The following FPR1 variants were observed in gnomAD, a reference collection of about 807,000 sequenced individuals.
FPR1 encodes the protein N-formyl peptide receptor 1.
For missense variants in FPR1, 407 were observed against 453.0 expected, an observed-to-expected ratio of 0.90 and a Z score of 0.92; for synonymous variants, 193 against 176.7, an observed-to-expected ratio of 1.09 and a Z score of -0.73.
In FPR1 at chr19:51,745,842, G is replaced by C; in HGVS notation, c.*100C>G. On this transcript the variant is annotated 3_prime_UTR_variant, in exon 2 of 2. Coordinates refer to ENST00000304748, the MANE Select transcript of FPR1 (RefSeq NM_002029.4). ...GCTTTTTTTTTTTTTTCTGATGAGTGGGTAATCCTAAAATAAGCAGGAAAT... is the reference window on the plus strand; with the variant it reads ...GCTTTTTTTTTTTTTTCTGATGAGTCGGTAATCCTAAAATAAGCAGGAAAT... 2 of 951,242 alleles carry C rather than the reference G, an allele frequency of 2.1e-6. No homozygotes were observed. Among genetic ancestry groups the C allele is most frequent in the Non-Finnish European group, 3.2e-6 (2 of 620,148 alleles). The allele number at this position is 951,242 out of a possible 1,614,324, so 58.9% of individuals were successfully genotyped here.
At chr19:51,747,424 G>T (rs1363393501) in intron 1 of FPR1, among the ~76,000 whole-genome samples, 1 of 151,998 alleles carries the variant, frequency 6.6e-6, no homozygotes, top group African/African-American at 2.4e-5. Context: ...TGCCATGTTG[G>T]CCAGGCTGGT....
rs2083746154 is a variant in FPR1 at position 51,746,468 on chromosome 19, C to A, written c.527G>T (p.Cys176Phe). ...GGTCCAGGGCGAAAAGTTAAAAGTG[C>A]AGGCTACTGTCCCCGTTTTACCAGG... is the stretch of plus-strand genomic sequence containing the variant. ...TVPGKTGTVACTFNFSPWTND... is the reference protein window; with the variant it reads ...TVPGKTGTVAFTFNFSPWTND... The change falls in exon 2 of 2, where the codon TGC (cysteine) becomes TTC (phenylalanine). Residue 176 changes from cysteine to phenylalanine, a missense_variant. By Grantham distance (205) the Cys-to-Phe change is radical. Transcript: ENST00000304748. This position sits in a 1 kb window ranked among gnomAD's most constrained non-coding sequence, Gnocchi z 4.3. 1.2e-6 allele frequency: 2 copies of A among 1,614,030 alleles called. No individual in the cohort carries two copies. Among genetic ancestry groups the A allele is most frequent in the Non-Finnish European group, 1.7e-6 (2 of 1,180,034 alleles).
chr19:51,748,620 C>T (rs1045559408), intron 1 of FPR1, among the ~76,000 whole-genome samples: 1 of 152,074 alleles, frequency 6.6e-6, no homozygotes, highest in Non-Finnish European at 1.5e-5. Flanking sequence ...GCCACCATGC[C>T]CAGCTAATTT....
intron 1 of FPR1, among the ~76,000 whole-genome samples, chr19:51,748,731 G>A (rs1419361193): frequency 1.3e-5 from 2 of 152,192 alleles, no homozygotes; most frequent in African/African-American, 2.4e-5. Context: ...AAAGTGCTGA[G>A]ATTATAGGCG....
At position 51,746,293 on chromosome 19, in the gene FPR1, A is replaced by C; in HGVS notation, c.702T>G (p.Ile234Met). The change falls in exon 2 of 2, where the codon ATT becomes ATG. Residue 234 changes from isoleucine to methionine, a missense_variant. Physicochemically the swap from Ile to Met is conservative, Grantham distance 10. Transcript: ENST00000304748. This position sits in a 1 kb window ranked among gnomAD's most constrained non-coding sequence, Gnocchi z 4.3. ...GGACCCGTAAGGGACGACTGGACTT[A>C]ATCAAGCCTTGCTTGTGGATCTTGG... ...IATKIHKQGL[I>M]KSSRPLRVLS... The C allele has an allele frequency of 6.2e-7, 1 of 1,614,184 alleles. No homozygotes were observed. Among genetic ancestry groups the C allele is most frequent in the Non-Finnish European group, 8.5e-7 (1 of 1,180,046 alleles).
chr19:51,747,048 C>G, intron 1 of FPR1, 43 bp from the exon 2 acceptor site: 1 of 1,377,530 alleles, frequency 7.3e-7, no homozygotes. Context: ...TATGAACCTC[C>G]GTACCATTTC....
At chr19:51,751,475 C>G (rs2083780528) in intron 1 of FPR1, among the ~76,000 whole-genome samples, 1 of 152,114 alleles carries the variant, frequency 6.6e-6, no homozygotes, top group Non-Finnish European at 1.5e-5. Flanking sequence ...CTCCACCTCC[C>G]AGATTCAAGC....
In FPR1 at chr19:51,746,103, G is replaced by A; in HGVS notation, c.892C>T (p.Pro298Ser). The change falls in exon 2 of 2, where the codon CCC (proline) becomes TCC (serine). Residue 298 changes from proline (P) to serine (S), a missense_variant. Transcript: ENST00000304748. The surrounding 1 kb of genome is among the most constrained non-coding windows in gnomAD (Gnocchi z 4.3). ...TGGCCCATGAAGACATAGAGCATGG[G>A]GTTGAGGCAGCTGTTGAAGAAGGCC... ...ALAFFNSCLN[P>S]MLYVFMGQDF... The A allele has an allele frequency of 1.2e-6, 2 of 1,614,176 alleles. No homozygotes were observed. The highest frequency in any genetic ancestry group is 1.3e-5 in the African/African-American group (1 of 75,040).
At chr19:51,749,914 A>G (rs1262051633) in intron 1 of FPR1, among the ~76,000 whole-genome samples, 2 of 151,978 alleles carry the variant, frequency 1.3e-5, no homozygotes, top group Non-Finnish European at 2.9e-5. Context: ...CAGGCAGTCC[A>G]CCTGCCTCAG....
chr19:51,745,586 G>A, downstream of FPR1: 1 of 213,082 alleles, frequency 4.7e-6, no homozygotes, highest in Non-Finnish European at 9.5e-6. Context: ...CAGAATGGAA[G>A]TGGACACTAC....
At position 51,746,978 on chromosome 19, in the gene FPR1, G is replaced by A. The variant is rs757666229; in HGVS notation, c.17C>T (p.Ser6Phe). Residue 6 changes from serine (S) to phenylalanine (F), a missense_variant, in exon 2 of 2, where the codon TCT becomes TTT. By Grantham distance (155) the Ser-to-Phe change is radical. Transcript: ENST00000304748. This position sits in a 1 kb window ranked among gnomAD's most constrained non-coding sequence, Gnocchi z 4.3. METNS[S>F]LPTNISGGTP... ...CCCTCCAGAGATGTTCGTGGGGAGA[G>A]AGGAATTTGTCTCCATCTTGTCTGC... is the stretch of plus-strand genomic sequence containing the variant. 181 of 1,611,474 alleles carry A rather than the reference G, an allele frequency of 1.1e-4. No individual in the cohort carries two copies. The highest frequency in any genetic ancestry group is 2.3e-5 in the Non-Finnish European group (27 of 1,178,110).
intron 1 of FPR1, among the ~76,000 whole-genome samples, chr19:51,748,555 C>T (rs925386570): frequency 1.3e-5 from 2 of 152,136 alleles, no homozygotes; most frequent in African/African-American, 2.4e-5. Context: ...CCGCCTCCCG[C>T]GTTTAAGTGA....
At chr19:51,747,844 CT>C (rs1323482615) in intron 1 of FPR1, among the ~76,000 whole-genome samples, 1 of 152,158 alleles carries the variant, frequency 6.6e-6, no homozygotes, top group Non-Finnish European at 1.5e-5. Flanking sequence ...AAACATTACT[CT>C]AAACAAAAGA....
Position 51,746,277 on chromosome 19 carries a change from A to G in FPR1, c.718T>C (p.Leu240=), listed in dbSNP as rs1449027962. ...GCTGCGACAAAGGAGAGGACCCGTA[A>G]GGGACGACTGGACTTAATCAAGCCT... is the stretch of plus-strand genomic sequence containing the variant. The part of the protein sequence containing the change: ...KQGLIKSSRP[L]RVLSFVAAAF... Residue 240 remains leucine (L), a synonymous_variant, in exon 2 of 2, where the codon TTA becomes CTA. Transcript: ENST00000304748. This position sits in a 1 kb window ranked among gnomAD's most constrained non-coding sequence, Gnocchi z 4.3. 6.2e-7 allele frequency: 1 copy of G among 1,614,058 alleles called. No individual in the cohort carries two copies. Among genetic ancestry groups the G allele is most frequent in the East Asian group, 2.2e-5 (1 of 44,886 alleles).
At chr19:51,751,496 C>T (rs888021122) in intron 1 of FPR1, among the ~76,000 whole-genome samples, 2 of 152,144 alleles carry the variant, frequency 1.3e-5, no homozygotes, top group Admixed American at 6.6e-5. Flanking sequence ...AATTCTCCTG[C>T]CTCAGCCTCC....
intron 1 of FPR1, among the ~76,000 whole-genome samples, chr19:51,750,478 A>G (rs923614109): frequency 5.3e-5 from 8 of 152,142 alleles, no homozygotes; most frequent in African/African-American, 1.9e-4. Context: ...CACATTTCTA[A>G]TGAACTTTGA....
Position 51,745,934 on chromosome 19 carries a change from C to G in FPR1, c.*8G>C. 1 of 1,603,656 alleles carries G rather than the reference C, an allele frequency of 6.2e-7. No individual in the cohort carries two copies. Among genetic ancestry groups the G allele is most frequent in the South Asian group, 1.1e-5 (1 of 90,782 alleles). ...CTGGGAGCTCGAAAGTGTCCCCCAGCTCCCTCCTCACTTTGCCTGTAACTC... is the reference window on the plus strand; with the variant it reads ...CTGGGAGCTCGAAAGTGTCCCCCAGGTCCCTCCTCACTTTGCCTGTAACTC... On this transcript the variant is annotated 3_prime_UTR_variant, in exon 2 of 2. Coordinates refer to ENST00000304748, the MANE Select transcript of FPR1 (RefSeq NM_002029.4).
In FPR1 at chr19:51,746,200, T is replaced by A. The variant is rs774671158; in HGVS notation, c.795A>T (p.Thr265=). The part of the protein sequence containing the change: ...SPYQVVALIA[T]VRIRELLQGM... ...CTTGCAATAACTCACGGATTCTGAC[T>A]GTGGCTATAAGGGCCACCACCTGAT... The change falls in exon 2 of 2, where the codon ACA becomes ACT. Residue 265 remains threonine (T), a synonymous_variant. Coordinates refer to ENST00000304748, the MANE Select transcript of FPR1 (RefSeq NM_002029.4). This position sits in a 1 kb window ranked among gnomAD's most constrained non-coding sequence, Gnocchi z 4.3. The A allele has an allele frequency of 6.2e-7, 1 of 1,614,172 alleles. No homozygotes were observed. The highest frequency in any genetic ancestry group is 1.1e-5 in the South Asian group (1 of 91,084).
chr19:51,750,543 C>T (rs1169990995), intron 1 of FPR1: 1 of 152,128 alleles, frequency 6.6e-6, no homozygotes, highest in East Asian at 1.9e-4. Context: ...ACCACCCATC[C>T]AACCACCAAA....
Sources: allele counts gnomAD v4.1 joint callset (sites outside exome capture counted in the v4.1 genomes callset), GRCh38; gene constraint gnomAD v4.1.1; non-coding constraint Gnocchi (gnomAD v3.1); transcripts MANE v1.5; gene names NCBI Gene and HGNC (gene_info 2026-07-23, HGNC 2026-07-21).